The following SLC25A21 variants were observed in gnomAD, a reference collection of about 807,000 sequenced individuals.
SLC25A21 encodes the protein solute carrier family 25 member 21.
Under a neutral mutation model 43.8 loss-of-function variants are expected in SLC25A21, and 47 were observed. The observed-to-expected ratio is 1.07, with a 90% CI of 0.85 to 1.37. The LOEUF is 1.37. SLC25A21 is among the 40% of genes most tolerant of loss of function. The probability of loss-of-function intolerance (pLI) is 0.00; values close to 1 mark genes in which losing one functional copy is unlikely to be tolerated. For synonymous variants in SLC25A21, 131 were observed against 121.3 expected (o/e 1.08, Z -0.52); for missense variants, 352 against 350.2 (o/e 1.00, Z -0.04).
intron 3 of SLC25A21, among the ~76,000 whole-genome samples, chr14:36,811,797 T>G (rs948844462): frequency 1.3e-5 from 2 of 152,222 alleles, no homozygotes; most frequent in African/African-American, 4.8e-5. Flanking sequence ...ACACTGCACA[T>G]TAAAAAATTA....
chr14:36,705,908 T>A (rs1393805366), intron 7 of SLC25A21, among the ~76,000 whole-genome samples: 1 of 152,162 alleles, frequency 6.6e-6, no homozygotes, highest in Non-Finnish European at 1.5e-5. Context: ...AAATAAGGCC[T>A]TCAAGGAACA....
chr14:37,039,834 T>A (rs1301407338), intron 1 of SLC25A21, among the ~76,000 whole-genome samples: 2 of 152,092 alleles, frequency 1.3e-5, no homozygotes, highest in African/African-American at 4.8e-5. Context: ...TTTGGGAGCC[T>A]TATTAAAGAC....
intron 3 of SLC25A21, among the ~76,000 whole-genome samples, chr14:36,768,992 T>C (rs1886520019): frequency 6.6e-6 from 1 of 152,030 alleles, no homozygotes; most frequent in African/African-American, 2.4e-5. Context: ...TCTGTATCTA[T>C]ATTTACTGTA....
chr14:36,735,417 T>C (rs901794011), intron 3 of SLC25A21, among the ~76,000 whole-genome samples: 10 of 152,190 alleles, frequency 6.6e-5, no homozygotes, highest in Admixed American at 3.3e-4. Context: ...AATATATAAA[T>C]AGAAGAGAAT....
At chr14:36,962,072 C>T (rs541299581) in intron 1 of SLC25A21, among the ~76,000 whole-genome samples, 1 of 152,312 alleles carries the variant, frequency 6.6e-6, no homozygotes, top group South Asian at 2.1e-4. Flanking sequence ...CAAGGTGGTT[C>T]TTTCCGAACC....
At chr14:37,110,533 T>G (rs1285268019) in intron 1 of SLC25A21, among the ~76,000 whole-genome samples, 1 of 152,146 alleles carries the variant, frequency 6.6e-6, no homozygotes, top group African/African-American at 2.4e-5. Flanking sequence ...AAAGATACAA[T>G]GAAGGCACTG....
At chr14:37,148,783 A>G (rs531334270) in intron 1 of SLC25A21, among the ~76,000 whole-genome samples, 1 of 152,340 alleles carries the variant, frequency 6.6e-6, no homozygotes, top group South Asian at 2.1e-4. Context: ...AAAACAAGAA[A>G]TAGATCCAAT....
chr14:36,829,737 A>G (rs1017387066), intron 2 of SLC25A21, among the ~76,000 whole-genome samples: 3 of 152,178 alleles, frequency 2.0e-5, no homozygotes, highest in African/African-American at 7.2e-5. Flanking sequence ...CCAGGAGATA[A>G]GGACATCACG....
chr14:36,919,553 TACATAA>T (rs1213356224), intron 1 of SLC25A21, among the ~76,000 whole-genome samples: 2 of 151,992 alleles, frequency 1.3e-5, no homozygotes, highest in African/African-American at 4.8e-5. Context: ...TATTCTATAG[TACATAA>T]ACATAGATAT....
chr14:36,898,716 G>C (rs979408826), intron 1 of SLC25A21, among the ~76,000 whole-genome samples: 8 of 152,124 alleles, frequency 5.3e-5, no homozygotes, highest in Non-Finnish European at 1.0e-4. Context: ...TAAAACAGCT[G>C]ATCTCATGGA....
chr14:37,136,143 C>G (rs754331100), intron 1 of SLC25A21, among the ~76,000 whole-genome samples: 3 of 152,144 alleles, frequency 2.0e-5, no homozygotes, highest in Non-Finnish European at 4.4e-5. Flanking sequence ...ATTCAATAAA[C>G]TAGGGAGACA....
chr14:36,926,590 C>G (rs1233350829), intron 1 of SLC25A21, among the ~76,000 whole-genome samples: 2 of 152,060 alleles, frequency 1.3e-5, no homozygotes, highest in African/African-American at 4.8e-5. Context: ...GCAGAGAGGA[C>G]AACACTGGTG....
At chr14:37,171,902 T>G (rs1964136218) in intron 1 of SLC25A21, 1 of 239,186 alleles carries the variant, frequency 4.2e-6, no homozygotes, top group African/African-American at 2.2e-5. Context: ...GAAGAAAGAC[T>G]CTACAATTGA....
chr14:36,741,477 A>T (rs1352141958), intron 3 of SLC25A21, among the ~76,000 whole-genome samples: 1 of 152,212 alleles, frequency 6.6e-6, no homozygotes, highest in African/African-American at 2.4e-5. Context: ...GAGAAGATCA[A>T]TGTGTAAATT....
chr14:37,116,371 A>G (rs971023882), intron 1 of SLC25A21, among the ~76,000 whole-genome samples: 28 of 152,200 alleles, frequency 1.8e-4, no homozygotes, highest in Non-Finnish European at 2.6e-4. Flanking sequence ...TGTGCATCTT[A>G]CAACACTTAA....
intron 1 of SLC25A21, among the ~76,000 whole-genome samples, chr14:37,169,776 A>T (rs1281271509): frequency 6.6e-6 from 1 of 152,114 alleles, no homozygotes; most frequent in Non-Finnish European, 1.5e-5. Context: ...TGCAATAAAG[A>T]TAAAGTTTTA....
intron 1 of SLC25A21, among the ~76,000 whole-genome samples, chr14:37,135,930 G>T (rs933263854): frequency 1.3e-5 from 2 of 152,048 alleles, no homozygotes; most frequent in African/African-American, 4.8e-5. Context: ...CTCAATAAAT[G>T]GTATGTATTA....
At chr14:36,748,646 G>C (rs1045939356) in intron 3 of SLC25A21, among the ~76,000 whole-genome samples, 1 of 152,114 alleles carries the variant, frequency 6.6e-6, no homozygotes, top group African/African-American at 2.4e-5. Flanking sequence ...CAAAACACTT[G>C]AAAAACAATG....
chr14:36,993,144 A>G (rs1960299687), intron 1 of SLC25A21, among the ~76,000 whole-genome samples: 1 of 152,178 alleles, frequency 6.6e-6, no homozygotes, highest in African/African-American at 2.4e-5. Context: ...TCACCAGAAT[A>G]TATCTAATTA....
Sources: allele counts gnomAD v4.1 joint callset (sites outside exome capture counted in the v4.1 genomes callset), GRCh38; gene constraint gnomAD v4.1.1; transcripts MANE v1.5; gene names NCBI Gene and HGNC (gene_info 2026-07-23, HGNC 2026-07-21).